FRMD5: variants seen among roughly 807,000 people sequenced by gnomAD.
The protein encoded by FRMD5 is FERM domain containing 5.
FRMD5 carries 20 observed loss-of-function variants against 69.0 expected under a neutral mutation model. The ratio of observed to expected loss-of-function variants is 0.29; its 90% CI spans 0.20 to 0.42. The LOEUF is 0.42. FRMD5 is among the 10% of genes least tolerant of loss of function. The pLI is 1.00. For synonymous variants in FRMD5, 271 were observed against 260.1 expected (o/e 1.04, Z -0.40); for missense variants, 595 against 708.6 (o/e 0.84, Z 1.82).
intron 1 of FRMD5, among the ~76,000 whole-genome samples, chr15:44,061,111 T>G (rs1893072155): frequency 6.6e-6 from 1 of 152,216 alleles, no homozygotes; most frequent in Non-Finnish European, 1.5e-5. Flanking sequence ...TTTTCAGCTC[T>G]TGACACAAAG....
chr15:43,891,338 C>T (rs2088788670), intron 8 of FRMD5, among the ~76,000 whole-genome samples: 1 of 152,006 alleles, frequency 6.6e-6, no homozygotes, highest in African/African-American at 2.4e-5. Context: ...GGCAGTGGCT[C>T]TTGCCTGTTA....
intron 1 of FRMD5, among the ~76,000 whole-genome samples, chr15:43,959,986 C>T (rs1213721222): frequency 6.6e-6 from 1 of 152,182 alleles, no homozygotes; most frequent in African/African-American, 2.4e-5. Context: ...GGTGCGATCT[C>T]GGCTCAACGC....
At chr15:44,087,310 C>A (rs1020997326) in intron 1 of FRMD5, among the ~76,000 whole-genome samples, 12 of 152,080 alleles carry the variant, frequency 7.9e-5, no homozygotes, top group African/African-American at 2.9e-4. Flanking sequence ...CATGAGCAAC[C>A]GCGCCCGCCC....
chr15:44,173,340 A>G (rs1433137225), intron 1 of FRMD5, among the ~76,000 whole-genome samples: 2 of 152,140 alleles, frequency 1.3e-5, no homozygotes, highest in Non-Finnish European at 2.9e-5. Context: ...TTCCATAGGA[A>G]AAAAGTAATA....
intron 1 of FRMD5, among the ~76,000 whole-genome samples, chr15:44,038,108 G>A (rs1892006193): frequency 6.6e-6 from 1 of 152,160 alleles, no homozygotes; most frequent in African/African-American, 2.4e-5. Flanking sequence ...CTTTTGAGAA[G>A]TGTCTGTTCA....
rs1397016307 is a variant in FRMD5, at chr15:44,035,637, AC to A, written c.103-111329del. 1.4e-4 allele frequency among the ~76,000 whole-genome samples: 21 copies of A among 152,310 alleles called. No homozygotes were observed. The South Asian group carries it at 4.3e-3, about 32-fold the overall frequency. On this transcript the variant is annotated intron_variant, in intron 1 of 13. Coordinates refer to ENST00000417257, the MANE Select transcript of FRMD5 (RefSeq NM_032892.5). ...TACTTATTAATGTTGCTAGGGTAAA[AC>A]AGAAGTAATAAAATTTGGAGACCCT...
At chr15:43,943,380 G>A (rs114741174) in intron 1 of FRMD5, among the ~76,000 whole-genome samples, 1,816 of 152,288 alleles carry the variant, frequency 0.012, 35 homozygotes, top group African/African-American at 0.041. Context: ...GCTCCTGGCC[G>A]TAAGAGAGTA....
At chr15:44,103,494 G>A (rs2076670609) in intron 1 of FRMD5, among the ~76,000 whole-genome samples, 1 of 152,130 alleles carries the variant, frequency 6.6e-6, no homozygotes. Flanking sequence ...CACTCTAACT[G>A]TTGAAATACA....
intron 1 of FRMD5, among the ~76,000 whole-genome samples, chr15:43,944,532 T>C (rs1158124222): frequency 1.3e-5 from 2 of 151,658 alleles, no homozygotes; most frequent in Non-Finnish European, 2.9e-5. Flanking sequence ...CGGGTTCAAG[T>C]GATTCTCTTG....
chr15:44,040,461 G>T (rs972943098), intron 1 of FRMD5, among the ~76,000 whole-genome samples: 16 of 152,182 alleles, frequency 1.1e-4, no homozygotes, highest in South Asian at 1.0e-3. Context: ...ACTAACAGCA[G>T]ATCTCTTGAC....
chr15:44,024,356 G>T (rs1239669096), intron 1 of FRMD5, among the ~76,000 whole-genome samples: 1 of 152,060 alleles, frequency 6.6e-6, no homozygotes, highest in Non-Finnish European at 1.5e-5. Context: ...GAGTCACAGG[G>T]TATGATAACC....
rs1168892248 is a variant in FRMD5 at position 43,873,834 on chromosome 15, A to G, written c.*51T>C. The G allele has an allele frequency of 2.5e-6, 4 of 1,598,794 alleles. No individual in the cohort carries two copies. The highest frequency in any genetic ancestry group is 3.4e-6 in the Non-Finnish European group (4 of 1,171,654). On this transcript the variant is annotated 3_prime_UTR_variant, in exon 14 of 14. Transcript: ENST00000417257. The stretch of plus-strand genomic sequence containing the variant: ...ATGGGTCCCATTGCTGGGAATGGGT[A>G]GCCGGGTTCCTTGGTCCACCTGGCT...
At chr15:44,029,926 CTT>C (rs1302140125) in intron 1 of FRMD5, among the ~76,000 whole-genome samples, 4 of 152,170 alleles carry the variant, frequency 2.6e-5, no homozygotes, top group African/African-American at 9.7e-5. Context: ...TGAAAAGCCT[CTT>C]TGAATTATAT....
At chr15:44,012,768 T>G (rs962879155) in intron 1 of FRMD5, among the ~76,000 whole-genome samples, 2 of 143,352 alleles carry the variant, frequency 1.4e-5, no homozygotes, top group African/African-American at 2.9e-5. Flanking sequence ...TGGGTTTTTT[T>G]TTTTTTTTTT....
chr15:44,174,504 G>A (rs531075069), intron 1 of FRMD5, among the ~76,000 whole-genome samples: 2 of 152,170 alleles, frequency 1.3e-5, no homozygotes, highest in South Asian at 4.2e-4. Context: ...CAGAAACCAA[G>A]CACAGTAATT....
chr15:44,039,218 C>T (rs866979989), intron 1 of FRMD5, among the ~76,000 whole-genome samples: 2 of 152,202 alleles, frequency 1.3e-5, no homozygotes, highest in African/African-American at 2.4e-5. Flanking sequence ...ACAGAGCACC[C>T]GGGGGAAGGG....
At chr15:44,187,191 T>C (rs1194716740) in intron 1 of FRMD5, among the ~76,000 whole-genome samples, 2 of 152,234 alleles carry the variant, frequency 1.3e-5, no homozygotes, top group African/African-American at 2.4e-5. Flanking sequence ...AAAATTCATA[T>C]GTAGTTACTG....
intron 1 of FRMD5, among the ~76,000 whole-genome samples, chr15:44,132,037 G>A (rs941990594): frequency 6.6e-6 from 1 of 152,090 alleles, no homozygotes; most frequent in African/African-American, 2.4e-5. Flanking sequence ...ACAACTAGAT[G>A]GTCCCATCTG....
At chr15:43,983,986 T>G (rs952764731) in intron 1 of FRMD5, among the ~76,000 whole-genome samples, 1 of 152,232 alleles carries the variant, frequency 6.6e-6, no homozygotes, top group African/African-American at 2.4e-5. Flanking sequence ...CATTAGCATT[T>G]CAAACACTGC....
Sources: gnomAD v4.1 joint callset for allele counts (sites outside exome capture counted in the v4.1 genomes callset) on GRCh38, gnomAD v4.1.1 for gene constraint, MANE v1.5 for transcripts, NCBI Gene and HGNC (gene_info 2026-07-23, HGNC 2026-07-21) for gene names.